The following HMGA2 variants were observed in gnomAD, a reference collection of about 807,000 sequenced individuals.
HMGA2 encodes high mobility group protein HMGI-C.
In HMGA2, 8 loss-of-function variants were observed where a neutral mutation model predicts 19.1. The observed-to-expected ratio is 0.42, with a 90% CI of 0.25 to 0.76. The LOEUF is 0.76. HMGA2 is among the 30% of genes least tolerant of loss of function. The pLI is 0.28. For synonymous variants in HMGA2, 60 were observed against 48.8 expected, an observed-to-expected ratio of 1.23 and a Z score of -0.96; for missense variants, 109 against 136.3, an observed-to-expected ratio of 0.80 and a Z score of 1.00.
chr12:65,939,658 A>C (rs1876020962), intron 3 of HMGA2, among the ~76,000 whole-genome samples: 1 of 152,232 alleles, frequency 6.6e-6, no homozygotes. Flanking sequence ...GCCCGGCCAC[A>C]TACAAGCTTT....
intron 3 of HMGA2, among the ~76,000 whole-genome samples, chr12:65,933,192 C>CT (rs1441467949): frequency 1.3e-5 from 2 of 152,040 alleles, no homozygotes; most frequent in African/African-American, 4.8e-5. Context: ...GGTAGACTAG[C>CT]ATAGGTTTGA....
intron 3 of HMGA2, among the ~76,000 whole-genome samples, chr12:65,914,148 T>A (rs1874969263): frequency 6.6e-6 from 1 of 152,080 alleles, no homozygotes; most frequent in African/African-American, 2.4e-5. Flanking sequence ...ACTGGCTATA[T>A]ACCCAAATGA....
chr12:65,958,902 T>C (rs775812848), intron 4 of HMGA2: 1 of 151,882 alleles, frequency 6.6e-6, no homozygotes, highest in Non-Finnish European at 1.5e-5. Flanking sequence ...TGGACTGTGA[T>C]TTTTGCACTC....
At chr12:65,839,868 A>C (rs1345887241) in intron 3 of HMGA2, among the ~76,000 whole-genome samples, 1 of 152,138 alleles carries the variant, frequency 6.6e-6, no homozygotes, top group Non-Finnish European at 1.5e-5. Flanking sequence ...AAATTGTTCC[A>C]TCTGACTACC....
intron 4 of HMGA2, chr12:65,955,010 A>G (rs112299942): frequency 0.094 from 14,224 of 152,094 alleles, 1,777 homozygotes; most frequent in African/African-American, 0.28. Flanking sequence ...GTGAAGCCCC[A>G]TCTCTACTAA....
rs1259566976 is a variant in HMGA2, at chr12:65,855,452, T to TCACA, written c.249+16884_249+16885insACAC. Among the ~76,000 whole-genome samples, 284 of 107,118 alleles carry TCACA rather than the reference T, an allele frequency of 2.7e-3. 1 individual carries two copies. The highest frequency in any genetic ancestry group is 9.7e-3 in the African/African-American group (271 of 27,936). The allele number at this position is 107,118 out of a possible 152,430, so 70.3% of individuals were successfully genotyped here. On this transcript the variant is annotated intron_variant, in intron 3 of 4. Coordinates refer to ENST00000403681, the MANE Select transcript of HMGA2 (RefSeq NM_003483.6). ...CTCTCTTTCTCTTTCTCTCTCTCTC[T>TCACA]CTCTCTCACACACACACACACACAC...
chr12:65,892,902 G>A (rs1049197700), intron 3 of HMGA2, among the ~76,000 whole-genome samples: 15 of 152,126 alleles, frequency 9.9e-5, no homozygotes, highest in African/African-American at 2.7e-4. Context: ...TTCAAGCGGC[G>A]GAAACCTACA....
Position 65,855,456 on chromosome 12 carries a change from T to TCA in HMGA2, c.249+16888_249+16889insAC, listed in dbSNP as rs1377421146. On this transcript the variant is annotated intron_variant, in intron 3 of 4. Transcript: ENST00000403681. The stretch of plus-strand genomic sequence containing the variant: ...CTTTCTCTTTCTCTCTCTCTCTCTC[T>TCA]CTCACACACACACACACACACACAC... 3.6e-3 allele frequency among the ~76,000 whole-genome samples: 188 copies of TCA among 52,816 alleles called. 1 individual carries two copies. Among genetic ancestry groups the TCA allele is most frequent in the Middle Eastern group, 0.019 (2 of 104 alleles). 34.6% of individuals were successfully genotyped at this position (52,816 alleles called of 152,430 possible).
At chr12:65,875,757 G>A (rs1007997031) in intron 3 of HMGA2, among the ~76,000 whole-genome samples, 2 of 151,526 alleles carry the variant, frequency 1.3e-5, no homozygotes, top group African/African-American at 4.8e-5. Context: ...GGCCTTGTCT[G>A]GTTTTTTAAT....
intron 3 of HMGA2, among the ~76,000 whole-genome samples, chr12:65,902,510 A>G (rs1414294442): frequency 6.6e-6 from 1 of 152,180 alleles, no homozygotes; most frequent in African/African-American, 2.4e-5. Flanking sequence ...AGAGCCCTTG[A>G]AAAAGAAAAC....
chr12:65,910,036 T>C (rs780458512), intron 3 of HMGA2, among the ~76,000 whole-genome samples: 1 of 152,088 alleles, frequency 6.6e-6, no homozygotes, highest in Non-Finnish European at 1.5e-5. Context: ...AAAGAGGATA[T>C]ATTGAAAAGA....
chr12:65,861,390 C>T (rs1478081925), intron 3 of HMGA2, among the ~76,000 whole-genome samples: 1 of 151,372 alleles, frequency 6.6e-6, no homozygotes, highest in Non-Finnish European at 1.5e-5. Flanking sequence ...CAAAACAAAA[C>T]AAAAAAAGGT....
At chr12:65,886,705 C>A (rs74713911) in intron 3 of HMGA2, among the ~76,000 whole-genome samples, 4,227 of 152,168 alleles carry the variant, frequency 0.028, 212 homozygotes, top group African/African-American at 0.097. Context: ...CTGAGAAGGA[C>A]GTGAGCTAAA....
At chr12:65,903,824 G>T (rs908448009) in intron 3 of HMGA2, among the ~76,000 whole-genome samples, 2 of 152,122 alleles carry the variant, frequency 1.3e-5, no homozygotes, top group African/African-American at 4.8e-5. Flanking sequence ...GAGAAGTAAG[G>T]CTTCTGTGAA....
chr12:65,855,699 A>AT (rs5798794), intron 3 of HMGA2, among the ~76,000 whole-genome samples: 1 of 148,550 alleles, frequency 6.7e-6, no homozygotes, highest in Non-Finnish European at 1.5e-5. Flanking sequence ...ACCAGAACAC[A>AT]GATGATGATG....
chr12:65,849,630 G>A (rs76110888), intron 3 of HMGA2, among the ~76,000 whole-genome samples: 474 of 151,556 alleles, frequency 3.1e-3, no homozygotes, highest in Non-Finnish European at 5.3e-3. Context: ...TTCTTACATA[G>A]CAATGTGGTA....
At chr12:65,892,511 C>T (rs1198715864) in intron 3 of HMGA2, among the ~76,000 whole-genome samples, 1 of 152,138 alleles carries the variant, frequency 6.6e-6, no homozygotes, top group Non-Finnish European at 1.5e-5. Context: ...CTAGCTGACT[C>T]TTTTTTGTCT....
intron 3 of HMGA2, among the ~76,000 whole-genome samples, chr12:65,924,992 G>T (rs1875455118): frequency 6.6e-6 from 1 of 152,038 alleles, no homozygotes; most frequent in South Asian, 2.1e-4. Flanking sequence ...AAATTTAACA[G>T]AATAAAGAAA....
chr12:65,842,354 A>G (rs2120891563), intron 3 of HMGA2: 2 of 611,962 alleles, frequency 3.3e-6, no homozygotes, highest in East Asian at 5.7e-5. Context: ...AATGTTGGAA[A>G]TTATGATTAA....
Sources: gnomAD v4.1 joint callset for allele counts (sites outside exome capture counted in the v4.1 genomes callset) on GRCh38, gnomAD v4.1.1 for gene constraint, MANE v1.5 for transcripts, NCBI Gene and HGNC (gene_info 2026-07-23, HGNC 2026-07-21) for gene names.